The following EGFLAM variants were observed in gnomAD, a reference collection of about 807,000 sequenced individuals.
The protein encoded by EGFLAM is pikachurin.
Under a neutral mutation model 113.1 loss-of-function variants are expected in EGFLAM, and 79 were observed. That is an observed-to-expected ratio of 0.70 (90% CI 0.58 to 0.84). EGFLAM has a LOEUF of 0.84. Ranked by LOEUF, EGFLAM falls within the 40% of genes least tolerant of loss-of-function variation. The pLI, the probability that EGFLAM is intolerant of heterozygous loss-of-function variation, is 0.00. For missense variants in EGFLAM, 1,265 were observed against 1,291.6 expected, an observed-to-expected ratio of 0.98 and a Z score of 0.32; for synonymous variants, 504 against 487.6, an observed-to-expected ratio of 1.03 and a Z score of -0.44.
chr5:38,371,637 C>T lies in EGFLAM; in HGVS notation c.712+1175C>T, dbSNP rs190964510. Among the ~76,000 whole-genome samples, 5 of 151,964 alleles carry T rather than the reference C, an allele frequency of 3.3e-5. No homozygotes were observed. The East Asian group carries it at 5.8e-4, about 18-fold the overall frequency. ...GCACACACACATACACACACACACA[C>T]GCACACACATATGCACATGCTCGTG... On this transcript the variant is annotated intron_variant, in intron 6 of 21. Coordinates refer to ENST00000322350, the MANE Select transcript of EGFLAM (RefSeq NM_152403.4).
intron 1 of EGFLAM, among the ~76,000 whole-genome samples, chr5:38,261,986 G>T (rs1757510919): frequency 6.6e-6 from 1 of 152,194 alleles, no homozygotes; most frequent in African/African-American, 2.4e-5. Flanking sequence ...TCACGGTGTG[G>T]ACACACCACT....
intron 5 of EGFLAM, among the ~76,000 whole-genome samples, chr5:38,357,652 G>A (rs1269328162): frequency 2.0e-5 from 3 of 152,252 alleles, no homozygotes; most frequent in African/African-American, 7.2e-5. Flanking sequence ...GCCAAGGCTA[G>A]GAAATTGTAG....
chr5:38,391,481 T>C (rs1424738542), intron 6 of EGFLAM, among the ~76,000 whole-genome samples: 3 of 151,500 alleles, frequency 2.0e-5, no homozygotes, highest in Non-Finnish European at 4.4e-5. Flanking sequence ...CATTGCAACC[T>C]CAAACCTCCT....
chr5:38,326,772 G>A (rs1416598307), intron 1 of EGFLAM, among the ~76,000 whole-genome samples: 2 of 150,594 alleles, frequency 1.3e-5, no homozygotes, highest in Admixed American at 6.6e-5. Flanking sequence ...GATTACAGGC[G>A]TGAGCCACCG....
intron 1 of EGFLAM, among the ~76,000 whole-genome samples, chr5:38,330,012 T>A (rs1301254701): frequency 6.6e-6 from 1 of 152,146 alleles, no homozygotes; most frequent in African/African-American, 2.4e-5. Flanking sequence ...TTAAATACTT[T>A]CCTACAGAAT....
At chr5:38,314,283 A>G (rs1738533410) in intron 1 of EGFLAM, among the ~76,000 whole-genome samples, 1 of 152,180 alleles carries the variant, frequency 6.6e-6, no homozygotes, top group African/African-American at 2.4e-5. Context: ...TTTTTATCAT[A>G]AATTAAGTTT....
chr5:38,457,950 G>T (rs984216811), intron 19 of EGFLAM, among the ~76,000 whole-genome samples: 4 of 152,094 alleles, frequency 2.6e-5, no homozygotes, highest in Non-Finnish European at 1.5e-5. Context: ...GGGCTGGGGG[G>T]AGGGAAGAAT....
At chr5:38,290,140 G>A (rs922815391) in intron 1 of EGFLAM, among the ~76,000 whole-genome samples, 1 of 152,096 alleles carries the variant, frequency 6.6e-6, no homozygotes, top group Non-Finnish European at 1.5e-5. Flanking sequence ...AGGAAGGGTC[G>A]GGGTAGAGGG....
chr5:38,420,593 T>C (rs911596170), intron 12 of EGFLAM, among the ~76,000 whole-genome samples: 1 of 152,252 alleles, frequency 6.6e-6, no homozygotes, highest in African/African-American at 2.4e-5. Context: ...AGAATAGGGC[T>C]TTGCACATCG....
chr5:38,411,432 G>GA (rs1278372064), intron 10 of EGFLAM, among the ~76,000 whole-genome samples: 1 of 144,708 alleles, frequency 6.9e-6, no homozygotes, highest in Admixed American at 6.9e-5. Flanking sequence ...TTTCTCAAAA[G>GA]AAAAGAAAAG....
rs151132983 is a variant in EGFLAM at position 38,405,536 on chromosome 5, T to G, written c.713-590T>G. On this transcript the variant is annotated intron_variant, in intron 6 of 21. Coordinates refer to ENST00000322350, the MANE Select transcript of EGFLAM (RefSeq NM_152403.4). ...TGATTCATTCCTTTCCCCTACTATA[T>G]GGTACTCCATTCTATAGATATACTA... Among the ~76,000 whole-genome samples the G allele has an allele frequency of 2.4e-3, 362 of 152,352 alleles. 2 individuals are homozygous for G. Among genetic ancestry groups the G allele is most frequent in the African/African-American group, 8.1e-3 (335 of 41,586 alleles).
At chr5:38,454,965 TTTCTGTTTTCTG>T (rs1430014357) in intron 19 of EGFLAM, among the ~76,000 whole-genome samples, 1 of 152,166 alleles carries the variant, frequency 6.6e-6, no homozygotes, top group African/African-American at 2.4e-5. Context: ...TGAGTGTGTT[TTTCTGTTTTCTG>T]TTTTGTTTTT....
At position 38,409,080 on chromosome 5, in the gene EGFLAM, T is replaced by C. The variant is rs778679437; in HGVS notation, c.1325T>C (p.Ile442Thr). 1 of 1,586,840 alleles carries C rather than the reference T, an allele frequency of 6.3e-7. No individual in the cohort carries two copies. Among genetic ancestry groups the C allele is most frequent in the South Asian group, 1.1e-5 (1 of 86,988 alleles). ...AGGGGGGATTTCATGTCCCTGGCTA[T>C]CATCCGACGCTCCCTGCAGTTCAGG... ...HGRGDFMSLA[I>T]IRRSLQFRFN... The change falls in exon 10 of 22, where the codon ATC (isoleucine) becomes ACC (threonine). Residue 442 changes from isoleucine (I) to threonine (T), a missense_variant. Transcript: ENST00000322350.
At chr5:38,332,874 G>A (rs538697347) in intron 1 of EGFLAM, among the ~76,000 whole-genome samples, 176 of 152,280 alleles carry the variant, frequency 1.2e-3, no homozygotes, top group Non-Finnish European at 2.2e-3. Context: ...CAGTGTGCGC[G>A]TCATAGCCAT....
At chr5:38,322,130 C>T (rs943354005) in intron 1 of EGFLAM, among the ~76,000 whole-genome samples, 4 of 152,272 alleles carry the variant, frequency 2.6e-5, no homozygotes, top group East Asian at 1.9e-4. Context: ...CATATGCACA[C>T]GCATGGACAC....
intron 16 of EGFLAM, among the ~76,000 whole-genome samples, chr5:38,435,477 C>T (rs527611712): frequency 1.3e-5 from 2 of 152,324 alleles, no homozygotes; most frequent in Non-Finnish European, 1.5e-5. Context: ...ATGAATGCTA[C>T]TTGGTGATGA....
intron 1 of EGFLAM, among the ~76,000 whole-genome samples, chr5:38,273,568 A>G (rs1484872350): frequency 6.6e-6 from 1 of 152,236 alleles, no homozygotes; most frequent in Non-Finnish European, 1.5e-5. Context: ...GTGCTGTGAC[A>G]GCTTTAGCAG....
chr5:38,447,878 G>A (rs1244366110), intron 17 of EGFLAM, among the ~76,000 whole-genome samples: 1 of 152,156 alleles, frequency 6.6e-6, no homozygotes, highest in East Asian at 1.9e-4. Context: ...AGGTTCTGCA[G>A]CAAATTAGCT....
chr5:38,385,491 A>C (rs1740637277), intron 6 of EGFLAM, among the ~76,000 whole-genome samples: 1 of 152,182 alleles, frequency 6.6e-6, no homozygotes, highest in African/African-American at 2.4e-5. Context: ...TAATGACAAT[A>C]AAATAAAGCC....
Sources: gnomAD v4.1 joint callset for allele counts (sites outside exome capture counted in the v4.1 genomes callset) on GRCh38, gnomAD v4.1.1 for gene constraint, MANE v1.5 for transcripts, NCBI Gene and HGNC (gene_info 2026-07-23, HGNC 2026-07-21) for gene names.